LARGE1: variants seen among roughly 807,000 people sequenced by gnomAD.
The protein encoded by LARGE1 is LARGE xylosyl- and glucuronyltransferase 1, also known as xylosyl- and glucuronyltransferase LARGE1.
LARGE1 carries 43 observed loss-of-function variants against 87.6 expected under a neutral mutation model. That is an observed-to-expected ratio of 0.49 (90% CI 0.38 to 0.63). LARGE1 has a LOEUF of 0.63. LARGE1 is among the 30% of genes least tolerant of loss of function. LARGE1 has a pLI of 0.00. For missense variants in LARGE1, 802 were observed against 1,000.2 expected (o/e 0.80, Z 2.67); for synonymous variants, 434 against 394.6 (o/e 1.10, Z -1.18).
At chr22:33,704,239 C>G (rs540016231) in intron 2 of LARGE1, among the ~76,000 whole-genome samples, 2 of 152,312 alleles carry the variant, frequency 1.3e-5, no homozygotes, top group South Asian at 4.1e-4. Context: ...CCAAATCCCA[C>G]TCTAATGTTC....
chr22:33,709,706 A>AG (rs1191741287), intron 2 of LARGE1, among the ~76,000 whole-genome samples: 2 of 151,170 alleles, frequency 1.3e-5, no homozygotes, highest in African/African-American at 4.9e-5. Context: ...GCTCACTGCA[A>AG]GCTCCACCTC....
intron 2 of LARGE1, among the ~76,000 whole-genome samples, chr22:33,692,453 G>A (rs572797565): frequency 6.6e-6 from 1 of 152,306 alleles, no homozygotes; most frequent in South Asian, 2.1e-4. Flanking sequence ...TGGGAGTACA[G>A]GCACCCGTCA....
intron 9 of LARGE1, among the ~76,000 whole-genome samples, chr22:33,347,172 C>T (rs1034516089): frequency 6.6e-6 from 1 of 152,204 alleles, no homozygotes; most frequent in Non-Finnish European, 1.5e-5. Flanking sequence ...TAACATAACA[C>T]CCTAGGCAAT....
the LARGE1 span, among the ~76,000 whole-genome samples, chr22:33,141,692 C>T: frequency 4.5e-4 from 69 of 152,254 alleles, no homozygotes; most frequent in African/African-American, 1.6e-3. Flanking sequence ...CCATTTAAGA[C>T]AAGCACCCAC....
At chr22:33,507,077 C>T (rs549224654) in intron 6 of LARGE1, among the ~76,000 whole-genome samples, 77 of 152,246 alleles carry the variant, frequency 5.1e-4, no homozygotes, top group African/African-American at 1.8e-3. Flanking sequence ...ATGATGGTGT[C>T]ACATGCTGTG....
At chr22:33,235,732 C>T (rs137476) in intron 11 of LARGE1, among the ~76,000 whole-genome samples, 6,353 of 152,104 alleles carry the variant, frequency 0.042, 193 homozygotes, top group Admixed American at 0.088. Flanking sequence ...TCCCAGGAGG[C>T]GAAAAGCAAA....
intron 6 of LARGE1, among the ~76,000 whole-genome samples, chr22:33,501,164 T>C (rs1239161369): frequency 2.0e-5 from 3 of 152,156 alleles, no homozygotes; most frequent in Non-Finnish European, 4.4e-5. Context: ...AGAGTCATAC[T>C]CAGAAGGAGA....
intron 11 of LARGE1, among the ~76,000 whole-genome samples, chr22:33,239,221 C>T (rs1263345518): frequency 6.6e-6 from 1 of 151,836 alleles, no homozygotes; most frequent in East Asian, 1.9e-4. Context: ...TGGGTACATA[C>T]CTAGTGAAAT....
At chr22:33,195,781 G>C (rs958702401) in intron 11 of LARGE1, among the ~76,000 whole-genome samples, 12 of 138,918 alleles carry the variant, frequency 8.6e-5, no homozygotes, top group Non-Finnish European at 1.7e-4. Flanking sequence ...TTGAGACGGA[G>C]TCTTGCTCTG....
chr22:33,538,722 T>C (rs2077107286), intron 6 of LARGE1, among the ~76,000 whole-genome samples: 1 of 152,020 alleles, frequency 6.6e-6, no homozygotes, highest in Non-Finnish European at 1.5e-5. Flanking sequence ...ACAAAGTAAC[T>C]CAATGAAGGG....
chr22:33,838,344 G>A (rs1461066034), intron 1 of LARGE1, among the ~76,000 whole-genome samples: 1 of 152,170 alleles, frequency 6.6e-6, no homozygotes, highest in Non-Finnish European at 1.5e-5. Flanking sequence ...CAAAAAATGT[G>A]TTTTAAAAAA....
intron 2 of LARGE1, chr22:33,704,713 T>C (rs2082510039): frequency 6.6e-6 from 1 of 152,518 alleles, no homozygotes; most frequent in Non-Finnish European, 1.5e-5. Flanking sequence ...TCCTTCTCAC[T>C]TACTCCTGAT....
chr22:33,206,774 C>T (rs954271345), intron 11 of LARGE1, among the ~76,000 whole-genome samples: 9 of 152,162 alleles, frequency 5.9e-5, no homozygotes, highest in Non-Finnish European at 1.5e-5. Context: ...GTTTTTTGAA[C>T]AATCATGTAC....
intron 6 of LARGE1, among the ~76,000 whole-genome samples, chr22:33,512,109 C>T (rs1393379847): frequency 2.6e-5 from 4 of 152,176 alleles, no homozygotes; most frequent in Non-Finnish European, 5.9e-5. Context: ...ACAGGGCTCT[C>T]TCTGACATTC....
intron 13 of LARGE1, among the ~76,000 whole-genome samples, chr22:33,277,983 G>T (rs911198523): frequency 2.7e-4 from 41 of 152,134 alleles, no homozygotes; most frequent in East Asian, 7.7e-4. Context: ...CTCCCCTTGA[G>T]GCAGAACCTG....
intron 11 of LARGE1, among the ~76,000 whole-genome samples, chr22:33,193,128 T>C (rs1456681333): frequency 1.3e-5 from 2 of 151,842 alleles, no homozygotes; most frequent in Non-Finnish European, 2.9e-5. Flanking sequence ...CTGGATGCAA[T>C]GAGGAAAAAA....
the LARGE1 span, among the ~76,000 whole-genome samples, chr22:33,081,166 GA>G: frequency 2.3e-3 from 344 of 152,318 alleles, 4 homozygotes; most frequent in African/African-American, 8.0e-3. Flanking sequence ...TACTAGTCAG[GA>G]AGAGAACGTT....
intron 1 of LARGE1, among the ~76,000 whole-genome samples, chr22:33,824,709 G>A (rs2062731867): frequency 6.6e-6 from 1 of 152,124 alleles, no homozygotes; most frequent in African/African-American, 2.4e-5. Flanking sequence ...TTAAAAATAT[G>A]ACCAATTATA....
intron 12 of LARGE1, among the ~76,000 whole-genome samples, chr22:33,285,065 C>T (rs904031663): frequency 1.3e-5 from 2 of 152,164 alleles, no homozygotes; most frequent in South Asian, 2.1e-4. Flanking sequence ...CACACCTGGC[C>T]GGGGCAGGCA....
Sources: allele counts gnomAD v4.1 joint callset (sites outside exome capture counted in the v4.1 genomes callset), GRCh38; gene constraint gnomAD v4.1.1; transcripts MANE v1.5; gene names NCBI Gene and HGNC (gene_info 2026-07-23, HGNC 2026-07-21).